The following ESR1 variants were observed in gnomAD, a reference collection of about 807,000 sequenced individuals.
ESR1 encodes the protein estrogen receptor.
A neutral mutation model predicts 52.7 loss-of-function variants in ESR1; 12 were observed. That is an observed-to-expected ratio of 0.23 (90% CI 0.15 to 0.37). The LOEUF (loss-of-function observed/expected upper bound fraction) is 0.37, where lower values mean the gene tolerates loss of function less well. Ranked by LOEUF, ESR1 falls within the 10% of genes least tolerant of loss-of-function variation. The pLI, the probability that ESR1 is intolerant of heterozygous loss-of-function variation, is 1.00. For synonymous variants in ESR1, 305 were observed against 316.8 expected (o/e 0.96, Z 0.39); for missense variants, 584 against 779.7 (o/e 0.75, Z 2.99).
upstream of ESR1, among the ~76,000 whole-genome samples, chr6:151,806,462 C>T (rs985775066): frequency 6.8e-6 from 1 of 146,870 alleles, no homozygotes; most frequent in Non-Finnish European, 1.5e-5. Context: ...GAAGTTTATT[C>T]AAAAGTATAA....
intron 2 of ESR1, among the ~76,000 whole-genome samples, chr6:151,866,569 C>T (rs1333018444): frequency 6.6e-6 from 1 of 152,040 alleles, no homozygotes; most frequent in East Asian, 1.9e-4. Flanking sequence ...TGAGCGAGAA[C>T]ATGCAGTGTT....
At chr6:151,661,132 T>C (rs895877307) in intron 1 of ESR1, among the ~76,000 whole-genome samples, 5 of 152,202 alleles carry the variant, frequency 3.3e-5, no homozygotes, top group African/African-American at 9.6e-5. Flanking sequence ...AAAAAAATAA[T>C]GTAATGCAAT....
chr6:151,781,416 C>A (rs529324201), intron 2 of ESR1, among the ~76,000 whole-genome samples: 3 of 152,224 alleles, frequency 2.0e-5, no homozygotes, highest in Admixed American at 6.5e-5. Context: ...GCCTCATGGC[C>A]TAATCATTTC....
intron 2 of ESR1, among the ~76,000 whole-genome samples, chr6:151,732,262 C>T (rs1380094464): frequency 6.6e-6 from 1 of 152,040 alleles, no homozygotes; most frequent in Non-Finnish European, 1.5e-5. Flanking sequence ...GGATAATTTA[C>T]ATTATATAAA....
At chr6:152,042,948 T>C in intron 5 of ESR1, among the ~76,000 whole-genome samples, 1 of 152,264 alleles carries the variant, frequency 6.6e-6, no homozygotes, top group Middle Eastern at 3.4e-3. Context: ...TATTTAAATT[T>C]TGTAGTTGAA....
rs1307782896 is a variant in ESR1, at chr6:152,011,759, G to A, written c.1200G>A (p.Gly400=). The change falls in exon 5 of 8, where the codon GGG becomes GGA. Residue 400 remains glycine (G), a synonymous_variant. Transcript: ENST00000206249. The part of the protein sequence containing the change: ...GLVWRSMEHP[G]KLLFAPNLLL... ...TCTGGCGCTCCATGGAGCACCCAGG[G>A]AAGCTACTGTTTGCTCCTAACTTGC... The A allele has an allele frequency of 6.2e-7, 1 of 1,613,238 alleles. No individual in the cohort carries two copies. Among genetic ancestry groups the A allele is most frequent in the South Asian group, 1.1e-5 (1 of 91,060 alleles).
intron 1 of ESR1, among the ~76,000 whole-genome samples, chr6:151,697,501 G>A (rs976743544): frequency 2.0e-5 from 3 of 152,164 alleles, no homozygotes; most frequent in Non-Finnish European, 4.4e-5. Flanking sequence ...AAGGCAGTAT[G>A]CCTTATATGT....
At chr6:151,885,848 C>G (rs1452852860) in intron 3 of ESR1, among the ~76,000 whole-genome samples, 2 of 152,156 alleles carry the variant, frequency 1.3e-5, no homozygotes, top group African/African-American at 4.8e-5. Flanking sequence ...GAGTGAGACT[C>G]TGTCTCAAAA....
At chr6:152,057,758 A>G (rs1293017737) in intron 5 of ESR1, among the ~76,000 whole-genome samples, 3 of 151,978 alleles carry the variant, frequency 2.0e-5, no homozygotes, top group East Asian at 3.9e-4. Flanking sequence ...TTTGGGGTAT[A>G]CACCATCCCT....
chr6:151,947,757 T>G (rs1197187264), intron 4 of ESR1, among the ~76,000 whole-genome samples: 4 of 152,166 alleles, frequency 2.6e-5, no homozygotes, highest in African/African-American at 9.6e-5. Flanking sequence ...GTACTTCTGG[T>G]AGACCTGGAT....
chr6:151,665,589 A>G (rs1021112715), intron 1 of ESR1, among the ~76,000 whole-genome samples: 6 of 149,940 alleles, frequency 4.0e-5, no homozygotes, highest in Non-Finnish European at 7.4e-5. Flanking sequence ...CCACCACTCC[A>G]CTCCACAGCT....
chr6:152,051,992 A>G (rs759696416), intron 5 of ESR1, among the ~76,000 whole-genome samples: 1 of 152,192 alleles, frequency 6.6e-6, no homozygotes, highest in Non-Finnish European at 1.5e-5. Flanking sequence ...ACCTGATGCC[A>G]GGTAATTTAT....
At chr6:151,793,808 C>T (rs1454067141) in intron 2 of ESR1, among the ~76,000 whole-genome samples, 1 of 152,196 alleles carries the variant, frequency 6.6e-6, no homozygotes, top group African/African-American at 2.4e-5. Context: ...AGTAAAAAAA[C>T]CACAACAGTA....
intron 3 of ESR1, among the ~76,000 whole-genome samples, chr6:151,942,491 A>C (rs1357628269): frequency 6.6e-6 from 1 of 152,100 alleles, no homozygotes; most frequent in African/African-American, 2.4e-5. Flanking sequence ...TGCTTAAAAT[A>C]TATAGTAAGT....
chr6:151,947,178 G>C (rs1025333883), intron 4 of ESR1, among the ~76,000 whole-genome samples: 13 of 152,172 alleles, frequency 8.5e-5, no homozygotes, highest in Admixed American at 2.6e-4. Context: ...AATTAGCCAG[G>C]CTTGGTGGCA....
chr6:151,802,387 T>G (rs980271646), upstream of ESR1, among the ~76,000 whole-genome samples: 2 of 152,202 alleles, frequency 1.3e-5, no homozygotes, highest in South Asian at 4.1e-4. Context: ...CAGACAAACC[T>G]TCATGTCTCA....
intron 2 of ESR1, among the ~76,000 whole-genome samples, chr6:151,775,543 C>G (rs1352453937): frequency 6.6e-6 from 1 of 152,080 alleles, no homozygotes; most frequent in East Asian, 1.9e-4. Context: ...ATCAGAAGAT[C>G]GAGACCATCC....
At chr6:151,795,691 C>T (rs546750778) in intron 2 of ESR1, among the ~76,000 whole-genome samples, 104 of 152,128 alleles carry the variant, frequency 6.8e-4, no homozygotes, top group Admixed American at 1.5e-3. Context: ...AAATTAACAC[C>T]GCACATATTT....
At chr6:151,884,327 C>T (rs1041471062) in intron 3 of ESR1, among the ~76,000 whole-genome samples, 3 of 152,186 alleles carry the variant, frequency 2.0e-5, no homozygotes, top group Admixed American at 6.5e-5. Flanking sequence ...TAATTTACAA[C>T]TGGAAGTACA....
Sources: allele counts gnomAD v4.1 joint callset (sites outside exome capture counted in the v4.1 genomes callset), GRCh38; gene constraint gnomAD v4.1.1; transcripts MANE v1.5; gene names NCBI Gene and HGNC (gene_info 2026-07-23, HGNC 2026-07-21).